The following RASA1 variants were observed in gnomAD, a reference collection of about 807,000 sequenced individuals.
The protein encoded by RASA1 is ras GTPase-activating protein 1.
A neutral mutation model predicts 132.2 loss-of-function variants in RASA1; 25 were observed. The ratio of observed to expected loss-of-function variants is 0.19; its 90% CI spans 0.14 to 0.26. RASA1 has a LOEUF of 0.26. Ranked by LOEUF, RASA1 falls within the 10% of genes least tolerant of loss-of-function variation. RASA1 has a pLI of 1.00. For missense variants in RASA1, 964 were observed against 1,299.2 expected (o/e 0.74, Z 3.97); for synonymous variants, 477 against 449.9 (o/e 1.06, Z -0.76).
intron 9 of RASA1, among the ~76,000 whole-genome samples, chr5:87,361,225 T>C (rs2112452755): frequency 6.6e-6 from 1 of 152,316 alleles, no homozygotes; most frequent in Non-Finnish European, 1.5e-5. Flanking sequence ...AGTAAAACTT[T>C]ATGTATAAAA....
chr5:87,368,482 T>G (rs1760689791), intron 11 of RASA1, among the ~76,000 whole-genome samples: 1 of 152,204 alleles, frequency 6.6e-6, no homozygotes, highest in Non-Finnish European at 1.5e-5. Flanking sequence ...TCTACTTAGT[T>G]TGACTAAGTG....
intron 1 of RASA1, among the ~76,000 whole-genome samples, chr5:87,297,957 T>C (rs1755194432): frequency 2.0e-5 from 3 of 152,298 alleles, no homozygotes; most frequent in South Asian, 4.1e-4. Flanking sequence ...CTTGAGATTT[T>C]TCTCTATCTG....
intron 22 of RASA1, 119 bp from the exon 23 acceptor site, chr5:87,386,707 A>T (rs539621942): frequency 1.5e-5 from 12 of 806,968 alleles, no homozygotes; most frequent in Non-Finnish European, 1.9e-5. Flanking sequence ...TTGCTATATT[A>T]ATTTGGTGCA....
At chr5:87,287,358 C>T (rs1580201588) in intron 1 of RASA1, among the ~76,000 whole-genome samples, 2 of 145,096 alleles carry the variant, frequency 1.4e-5, no homozygotes, top group Non-Finnish European at 1.5e-5. Context: ...CATATATACA[C>T]CATATATATA....
chr5:87,274,591 T>C (rs992736513), intron 1 of RASA1, among the ~76,000 whole-genome samples: 1 of 151,954 alleles, frequency 6.6e-6, no homozygotes, highest in African/African-American at 2.4e-5. Context: ...CTTTTCTCAA[T>C]GGGAGAAAAG....
At chr5:87,278,909 CTTTT>C (rs58122450) in intron 1 of RASA1, among the ~76,000 whole-genome samples, 2 of 83,998 alleles carry the variant, frequency 2.4e-5, no homozygotes, top group African/African-American at 4.5e-5. Context: ...CTAATTTGTT[CTTTT>C]TTTTTTTTTT....
chr5:87,360,747 A>T (rs1237401923), intron 9 of RASA1, among the ~76,000 whole-genome samples: 1 of 152,166 alleles, frequency 6.6e-6, no homozygotes, highest in East Asian at 1.9e-4. Flanking sequence ...ATTCAAGTAT[A>T]TCATCATCTG....
chr5:87,350,845 A>G (rs1414002111), intron 8 of RASA1, among the ~76,000 whole-genome samples: 1 of 151,716 alleles, frequency 6.6e-6, no homozygotes, highest in African/African-American at 2.4e-5. Flanking sequence ...TAGTTTTAAC[A>G]TTAAACTTCT....
chr5:87,379,761 TGAA>T lies in RASA1; in HGVS notation c.2517_2519del (p.Glu839del), dbSNP rs1273519182. 1 of 1,612,462 alleles carries T rather than the reference TGAA, an allele frequency of 6.2e-7. No individual in the cohort carries two copies. The highest frequency in any genetic ancestry group is 8.5e-7 in the Non-Finnish European group (1 of 1,179,038). On this transcript the variant is annotated inframe_deletion, in exon 19 of 25. Coordinates refer to ENST00000274376, the MANE Select transcript of RASA1 (RefSeq NM_002890.3). ...TAAGTCCATCAAAGTTAGAAAAAAA[TGAA>T]GATGTGAACACTAATTTAACACACC...
intron 12 of RASA1, among the ~76,000 whole-genome samples, chr5:87,371,543 A>G (rs937506550): frequency 6.6e-6 from 1 of 152,296 alleles, no homozygotes; most frequent in Non-Finnish European, 1.5e-5. Flanking sequence ...TGATTTGAAT[A>G]TTAGGCTAAA....
intron 1 of RASA1, among the ~76,000 whole-genome samples, chr5:87,317,337 C>T (rs893048698): frequency 7.2e-5 from 11 of 152,150 alleles, no homozygotes; most frequent in Non-Finnish European, 1.3e-4. Context: ...TCTTCTTCCT[C>T]ATTAGATGGC....
rs201705926 is a variant in RASA1 at position 87,391,722 on chromosome 5, CATT to C, written c.*843_*845del. The C allele has an allele frequency of 2.9e-3, 667 of 232,616 alleles. 6 individuals are homozygous for C. Among genetic ancestry groups the C allele is most frequent in the East Asian group, 0.015 (252 of 16,274 alleles). The allele number at this position is 232,616 out of a possible 1,614,324, so 14.4% of individuals were successfully genotyped here. Reference sequence around the variant, plus strand: ...ATGCTTTTGTTAAAAGTTATTTGTTCATTATTTGTGCTACCCCTTTGATTATGC... The same window carrying C: ...ATGCTTTTGTTAAAAGTTATTTGTTCATTTGTGCTACCCCTTTGATTATGC... On this transcript the variant is annotated 3_prime_UTR_variant, in exon 25 of 25. Transcript: ENST00000274376.
At position 87,268,864 on chromosome 5, in the gene RASA1, C is replaced by A. The variant is rs1411171311; in HGVS notation, c.413C>A (p.Pro138His). ...CCAGGCGGCGGTTTTCCCCCTCTGCCCCCTCCCCCTTACCTGCCCCCTTTG... is the reference window on the plus strand; with the variant it reads ...CCAGGCGGCGGTTTTCCCCCTCTGCACCCTCCCCCTTACCTGCCCCCTTTG... ...LGPGGGFPPL[P>H]PPPYLPPLGA... The change falls in exon 1 of 25, where the codon CCC (proline) becomes CAC (histidine). Residue 138 changes from proline to histidine, a missense_variant. Pro to His is a moderately conservative substitution (Grantham distance 77, BLOSUM62 -2). This residue lies in a region of RASA1 where 326 missense variants were observed against 275.8 expected (regional missense o/e 1.18). Coordinates refer to ENST00000274376, the MANE Select transcript of RASA1 (RefSeq NM_002890.3). 1.2e-6 allele frequency: 2 copies of A among 1,614,124 alleles called. No individual in the cohort carries two copies. The highest frequency in any genetic ancestry group is 2.2e-5 in the East Asian group (1 of 44,876).
chr5:87,295,004 T>C (rs1408369945), intron 1 of RASA1, among the ~76,000 whole-genome samples: 1 of 152,216 alleles, frequency 6.6e-6, no homozygotes, highest in Non-Finnish European at 1.5e-5. Flanking sequence ...CTGGTTTTTT[T>C]TTATTTTTAC....
intron 6 of RASA1, 105 bp from the exon 7 acceptor site, chr5:87,346,567 T>C (rs1423944560): frequency 1.3e-5 from 8 of 634,362 alleles, no homozygotes; most frequent in Non-Finnish European, 1.9e-5. Context: ...ATTGCATTTA[T>C]TTTATCACTT....
chr5:87,323,657 GTA>G (rs1756992930), intron 1 of RASA1, among the ~76,000 whole-genome samples: 1 of 151,892 alleles, frequency 6.6e-6, no homozygotes, highest in Admixed American at 6.6e-5. Context: ...GATTTGTAAA[GTA>G]TATTGTAAAG....
At chr5:87,369,002 A>G (rs1483561908) in intron 11 of RASA1, among the ~76,000 whole-genome samples, 2 of 152,194 alleles carry the variant, frequency 1.3e-5, no homozygotes, top group Non-Finnish European at 2.9e-5. Context: ...CTTTTAAGAC[A>G]TTCTCAAAGC....
chr5:87,268,321 T>TGGGG lies in RASA1; in HGVS notation c.-131_-130insGGGG. 1.2e-6 allele frequency: 1 copy of TGGGG among 857,780 alleles called. No homozygotes were observed. The highest frequency in any genetic ancestry group is 1.7e-6 in the Non-Finnish European group (1 of 602,196). The allele number at this position is 857,780 out of a possible 1,614,324, so 53.1% of individuals were successfully genotyped here. On this transcript the variant is annotated 5_prime_UTR_variant, in exon 1 of 25. Coordinates refer to ENST00000274376, the MANE Select transcript of RASA1 (RefSeq NM_002890.3). ...GGGGCGCGGCGGCGGGCTCTCTCCTTTTGTTGTTGTTTCCTCAGCCTGGGG... is the reference window on the plus strand; with the variant it reads ...GGGGCGCGGCGGCGGGCTCTCTCCTTGGGGTTGTTGTTGTTTCCTCAGCCTGGGG...
intron 1 of RASA1, among the ~76,000 whole-genome samples, chr5:87,322,680 G>T (rs982130911): frequency 2.0e-5 from 3 of 152,110 alleles, no homozygotes; most frequent in Admixed American, 6.6e-5. Flanking sequence ...ACCATGAGCC[G>T]CAATAAACCA....
Sources: gnomAD v4.1 joint callset for allele counts (sites outside exome capture counted in the v4.1 genomes callset) on GRCh38, gnomAD v4.1.1 for gene constraint, gnomAD v4.1.1 regional missense constraint, MANE v1.5 for transcripts, NCBI Gene and HGNC (gene_info 2026-07-23, HGNC 2026-07-21) for gene names.